CLDN10: variants seen among roughly 807,000 people sequenced by gnomAD.
CLDN10 encodes the protein claudin-10.
Under a neutral mutation model 22.9 loss-of-function variants are expected in CLDN10, and 15 were observed. That is an observed-to-expected ratio of 0.65 (90% CI 0.44 to 1.01). The LOEUF (loss-of-function observed/expected upper bound fraction) is 1.01. Among genes scored for constraint, CLDN10 ranks in the 50% least tolerant of loss-of-function variants. The pLI is 0.00. For missense variants in CLDN10, 247 were observed against 287.8 expected (o/e 0.86, Z 1.03); for synonymous variants, 114 against 111.4 (o/e 1.02, Z -0.15).
intron 3 of CLDN10, among the ~76,000 whole-genome samples, chr13:95,568,929 T>C (rs2043820238): frequency 6.6e-6 from 1 of 152,132 alleles, no homozygotes; most frequent in African/African-American, 2.4e-5. Flanking sequence ...GCTCTGCCAC[T>C]TTCTAGCTGT....
chr13:95,566,984 CTG>C (rs2043795614), intron 3 of CLDN10, among the ~76,000 whole-genome samples: 2 of 152,120 alleles, frequency 1.3e-5, no homozygotes, highest in African/African-American at 4.8e-5. Context: ...GTCTATATAT[CTG>C]TTTTGTTATT....
In CLDN10 at chr13:95,442,815, T is replaced by C. The variant is rs1473839930; in HGVS notation, c.214+8768T>C. Reference sequence around the variant, plus strand: ...ATTACTTAACTTCTCATAGACTCAATCTTCTCATTTGCAAATGGAGGTAAT... The same window carrying C: ...ATTACTTAACTTCTCATAGACTCAACCTTCTCATTTGCAAATGGAGGTAAT... On this transcript the variant is annotated intron_variant, in intron 1 of 4. Transcript: ENST00000376873. 3.9e-5 allele frequency among the ~76,000 whole-genome samples: 6 copies of C among 152,218 alleles called. No individual in the cohort carries two copies. In the East Asian group the frequency reaches 9.6e-4, roughly 24 times the overall value.
chr13:95,434,021 C>T (rs201757379), exon 1 of CLDN10: 4 of 1,614,062 alleles, frequency 2.5e-6, no homozygotes, highest in Admixed American at 1.7e-5. Flanking sequence ...CATTGCCGAC[C>T]GCATTTTACT....
chr13:95,502,545 A>T (rs187215763), intron 1 of CLDN10, among the ~76,000 whole-genome samples: 18 of 152,246 alleles, frequency 1.2e-4, no homozygotes, highest in Admixed American at 4.6e-4. Flanking sequence ...TTTGAGACAG[A>T]GTCCCACTCT....
At position 95,554,386 on chromosome 13, in the gene CLDN10, G is replaced by A. The variant is rs190516598; in HGVS notation, c.220+1413G>A. 5.4e-5 allele frequency among the ~76,000 whole-genome samples: 8 copies of A among 147,688 alleles called. No individual in the cohort carries two copies. The Admixed American group carries it at 5.4e-4, about 10-fold the overall frequency. On this transcript the variant is annotated intron_variant, in intron 1 of 4. Transcript: ENST00000299339. ...TAGGTACGCTTCCTTCTGTAGGACA[G>A]TTGGGGGACAAGGGAGAGAAGGAAA...
chr13:95,444,888 G>C (rs932268927), intron 1 of CLDN10, among the ~76,000 whole-genome samples: 36 of 152,270 alleles, frequency 2.4e-4, no homozygotes, highest in Non-Finnish European at 8.8e-5. Context: ...TGCTCCTCCA[G>C]GGTTCAAGTG....
intron 1 of CLDN10, among the ~76,000 whole-genome samples, chr13:95,504,737 T>C (rs2043020933): frequency 6.6e-6 from 1 of 151,990 alleles, no homozygotes; most frequent in Admixed American, 6.6e-5. Context: ...ATGATCTCAC[T>C]ATGTTGCCCG....
At chr13:95,506,066 T>C (rs2043035383) in intron 1 of CLDN10, among the ~76,000 whole-genome samples, 2 of 152,172 alleles carry the variant, frequency 1.3e-5, no homozygotes, top group Admixed American at 1.3e-4. Flanking sequence ...GGAGAACTAA[T>C]TAATCCTTGA....
intron 1 of CLDN10, among the ~76,000 whole-genome samples, chr13:95,529,099 T>C (rs1301637771): frequency 6.6e-6 from 1 of 152,144 alleles, no homozygotes; most frequent in Non-Finnish European, 1.5e-5. Flanking sequence ...TTGCTGCCCA[T>C]GTCTAGTATT....
intron 1 of CLDN10, among the ~76,000 whole-genome samples, chr13:95,458,283 T>C (rs2042501805): frequency 6.6e-6 from 1 of 152,154 alleles, no homozygotes; most frequent in East Asian, 1.9e-4. Flanking sequence ...GTTTTTGTTG[T>C]TCTTGTTGTT....
chr13:95,480,632 T>C (rs2042736542), intron 1 of CLDN10, among the ~76,000 whole-genome samples: 2 of 152,266 alleles, frequency 1.3e-5, no homozygotes, highest in African/African-American at 2.4e-5. Context: ...CTGGGAAACT[T>C]GTTAGAATGC....
At chr13:95,557,392 C>T (rs939890336) in intron 1 of CLDN10, among the ~76,000 whole-genome samples, 1 of 152,274 alleles carries the variant, frequency 6.6e-6, no homozygotes, top group Non-Finnish European at 1.5e-5. Context: ...TTGTTGGAAT[C>T]ATCTTGGCTC....
In CLDN10 at chr13:95,552,966, G is replaced by T. The variant is rs1281544398; in HGVS notation, c.213G>T (p.Ala71=). ...GCAAGGACTTCCCCTCCATGCTGGC[G>T]CTGGACGGTCTGCATCCCCGCGGCC... ...SNCKDFPSML[A]LDGYIQACRG... Residue 71 remains alanine, a synonymous_variant, in exon 1 of 5, where the codon GCG becomes GCT. Transcript: ENST00000299339. 7 of 1,613,706 alleles carry T rather than the reference G, an allele frequency of 4.3e-6. No individual in the cohort carries two copies. The highest frequency in any genetic ancestry group is 5.1e-6 in the Non-Finnish European group (6 of 1,179,942).
intron 1 of CLDN10, among the ~76,000 whole-genome samples, chr13:95,487,688 T>G (rs2042819033): frequency 6.6e-6 from 1 of 152,202 alleles, no homozygotes; most frequent in South Asian, 2.1e-4. Context: ...AATTTTTTAA[T>G]TTTTGAGATG....
intron 1 of CLDN10, among the ~76,000 whole-genome samples, chr13:95,518,066 T>C (rs1045544699): frequency 6.6e-6 from 1 of 152,176 alleles, no homozygotes; most frequent in Non-Finnish European, 1.5e-5. Context: ...TTCCATTTTA[T>C]AGTGATTAAG....
intron 1 of CLDN10, among the ~76,000 whole-genome samples, chr13:95,452,025 G>A (rs769259813): frequency 2.0e-5 from 3 of 152,172 alleles, no homozygotes; most frequent in African/African-American, 7.2e-5. Context: ...CTCAACAGGA[G>A]CCCCTTTTAT....
At chr13:95,540,636 G>A (rs2043450440) in intron 1 of CLDN10, among the ~76,000 whole-genome samples, 1 of 152,176 alleles carries the variant, frequency 6.6e-6, no homozygotes, top group Non-Finnish European at 1.5e-5. Flanking sequence ...AAACAAAATT[G>A]CATGCTAGTT....
intron 3 of CLDN10, among the ~76,000 whole-genome samples, chr13:95,570,572 G>A (rs908751377): frequency 6.6e-6 from 1 of 152,080 alleles, no homozygotes; most frequent in African/African-American, 2.4e-5. Context: ...GGCAGGTGGT[G>A]GAGAGGAGAA....
At chr13:95,531,609 C>T (rs963553875) in intron 1 of CLDN10, among the ~76,000 whole-genome samples, 1 of 151,978 alleles carries the variant, frequency 6.6e-6, no homozygotes, top group Non-Finnish European at 1.5e-5. Flanking sequence ...TGGCTCATTG[C>T]AACCTCCACC....
Sources: allele counts gnomAD v4.1 joint callset (sites outside exome capture counted in the v4.1 genomes callset), GRCh38; gene constraint gnomAD v4.1.1; transcripts MANE v1.5; gene names NCBI Gene and HGNC (gene_info 2026-07-23, HGNC 2026-07-21).